CCSER1: variants seen among roughly 807,000 people sequenced by gnomAD.
The protein encoded by CCSER1 is serine-rich coiled-coil domain-containing protein 1.
A neutral mutation model predicts 82.0 loss-of-function variants in CCSER1; 41 were observed. The observed-to-expected ratio is 0.50, with a 90% CI of 0.39 to 0.65. The LOEUF (loss-of-function observed/expected upper bound fraction) is 0.65. Among genes scored for constraint, CCSER1 ranks in the 30% least tolerant of loss-of-function variants. CCSER1 has a pLI of 0.00. For missense variants in CCSER1, 1,119 were observed against 1,064.2 expected (o/e 1.05, Z -0.72); for synonymous variants, 414 against 383.9 (o/e 1.08, Z -0.92).
At chr4:91,173,720 C>T (rs1453848849) in intron 10 of CCSER1, among the ~76,000 whole-genome samples, 1 of 151,980 alleles carries the variant, frequency 6.6e-6, no homozygotes, top group Admixed American at 6.6e-5. Context: ...TGGAATTAGC[C>T]ATTTTAATGC....
intron 8 of CCSER1, among the ~76,000 whole-genome samples, chr4:90,893,825 G>T (rs1723313964): frequency 6.6e-6 from 1 of 151,156 alleles, no homozygotes; most frequent in Non-Finnish European, 1.5e-5. Flanking sequence ...TTCAATATGT[G>T]TTATTTATAT....
Position 90,560,289 on chromosome 4 carries a change from A to G in CCSER1, c.1725-67736A>G, listed in dbSNP as rs116296738. ...AATATTCTCTAAGCCCAAAGCTCTAAACATCCTAGATCAGATTAAGGAAAT... is the reference window on the plus strand; with the variant it reads ...AATATTCTCTAAGCCCAAAGCTCTAGACATCCTAGATCAGATTAAGGAAAT... On this transcript the variant is annotated intron_variant, in intron 5 of 10. Transcript: ENST00000509176. Among the ~76,000 whole-genome samples, 402 of 151,940 alleles carry G rather than the reference A, an allele frequency of 2.6e-3. 1 individual carries two copies. The highest frequency in any genetic ancestry group is 9.3e-3 in the African/African-American group (386 of 41,408).
chr4:90,355,511 T>C (rs1744229799), intron 3 of CCSER1, among the ~76,000 whole-genome samples: 1 of 152,002 alleles, frequency 6.6e-6, no homozygotes, highest in Non-Finnish European at 1.5e-5. Context: ...TAAAATGAGT[T>C]ACCATACCTA....
At chr4:90,704,871 T>C (rs1368659940) in intron 6 of CCSER1, among the ~76,000 whole-genome samples, 1 of 152,304 alleles carries the variant, frequency 6.6e-6, no homozygotes, top group East Asian at 1.9e-4. Flanking sequence ...TGTTAGCCAT[T>C]CATCTAATCT....
rs575717832 is a variant in CCSER1, at chr4:90,348,836, C to T, written c.1509+35789C>T. On this transcript the variant is annotated intron_variant, in intron 3 of 10. Coordinates refer to ENST00000509176, the MANE Select transcript of CCSER1 (RefSeq NM_001145065.2). ...CTGCCAGAATAATTGCCCTAAGCAA[C>T]GGTCTTAAACGTTGTTGTGAACCAC... is the stretch of plus-strand genomic sequence containing the variant. 1.3e-4 allele frequency among the ~76,000 whole-genome samples: 20 copies of T among 152,256 alleles called. No homozygotes were observed. The South Asian group carries it at 3.1e-3, about 24-fold the overall frequency.
In CCSER1 at chr4:90,546,832, A is replaced by G. The variant is rs748329206; in HGVS notation, c.1724+78478A>G. 2.0e-5 allele frequency among the ~76,000 whole-genome samples: 3 copies of G among 152,108 alleles called. 1 individual carries two copies. Among genetic ancestry groups the G allele is most frequent in the Admixed American group, 2.0e-4 (3 of 15,254 alleles). On this transcript the variant is annotated intron_variant, in intron 5 of 10. Transcript: ENST00000509176. Reference sequence around the variant, plus strand: ...AACATGTATATATAAATATACTACAATACATCAGCAAATAGTCATTCTTTT... The same window carrying G: ...AACATGTATATATAAATATACTACAGTACATCAGCAAATAGTCATTCTTTT...
At chr4:90,622,714 C>G (rs1579535313) in intron 5 of CCSER1, among the ~76,000 whole-genome samples, 1 of 152,054 alleles carries the variant, frequency 6.6e-6, no homozygotes, top group East Asian at 1.9e-4. Context: ...GTGAATAGTG[C>G]CACAATAAAC....
chr4:90,639,736 C>A (rs918059463), intron 6 of CCSER1, among the ~76,000 whole-genome samples: 2 of 151,918 alleles, frequency 1.3e-5, no homozygotes, highest in Non-Finnish European at 2.9e-5. Context: ...GTAACCTGTG[C>A]AAGACAGAAG....
At chr4:90,636,224 A>G (rs1268112567) in intron 6 of CCSER1, among the ~76,000 whole-genome samples, 3 of 151,946 alleles carry the variant, frequency 2.0e-5, no homozygotes, top group Admixed American at 1.3e-4. Flanking sequence ...TTTGAAAAAT[A>G]CAGCTTTCCA....
intron 10 of CCSER1, among the ~76,000 whole-genome samples, chr4:91,234,576 T>C (rs1159780488): frequency 3.3e-5 from 5 of 152,098 alleles, no homozygotes; most frequent in Non-Finnish European, 5.9e-5. Flanking sequence ...CATAAAATAA[T>C]ATGTGGGATA....
At chr4:91,573,644 G>A (rs142499676) in intron 10 of CCSER1, among the ~76,000 whole-genome samples, 13 of 152,278 alleles carry the variant, frequency 8.5e-5, no homozygotes, top group African/African-American at 2.4e-4. Context: ...CCCTGGCTTC[G>A]TGATGCTACC....
At chr4:90,823,826 T>G (rs1302438858) in intron 8 of CCSER1, among the ~76,000 whole-genome samples, 1 of 151,998 alleles carries the variant, frequency 6.6e-6, no homozygotes, top group Non-Finnish European at 1.5e-5. Flanking sequence ...ATTTAGTAAT[T>G]ACCTATACTG....
Position 90,360,381 on chromosome 4 carries a change from T to G in CCSER1, c.1510-39655T>G, listed in dbSNP as rs1374289650. On this transcript the variant is annotated intron_variant, in intron 3 of 10. Transcript: ENST00000509176. The stretch of plus-strand genomic sequence containing the variant: ...GTGTCTACTAAAAATAAAAAAAAAA[T>G]TAGCCGGGTGTGGTGGTGGGTGCCT... 6.6e-4 allele frequency among the ~76,000 whole-genome samples: 93 copies of G among 140,930 alleles called. 2 individuals carry two copies. Among genetic ancestry groups the G allele is most frequent in the Non-Finnish European group, 9.9e-4 (64 of 64,602 alleles). The allele number at this position is 140,930 out of a possible 152,430, so 92.5% of individuals were successfully genotyped here.
intron 9 of CCSER1, among the ~76,000 whole-genome samples, chr4:90,940,660 C>T (rs1412630017): frequency 7.9e-5 from 12 of 152,116 alleles, no homozygotes; most frequent in Middle Eastern, 6.8e-3. Context: ...CAAGAGACAT[C>T]AGTATTTATT....
At chr4:90,664,957 C>T (rs67086109) in intron 6 of CCSER1, among the ~76,000 whole-genome samples, 77,724 of 151,988 alleles carry the variant, frequency 0.51, 20,088 homozygotes, top group Middle Eastern at 0.64. Context: ...GTAAAGTAGA[C>T]GCTTTTATTG....
At chr4:91,127,955 C>T (rs928815117) in intron 10 of CCSER1, among the ~76,000 whole-genome samples, 1 of 108,100 alleles carries the variant, frequency 9.3e-6, no homozygotes, top group African/African-American at 3.6e-5. Context: ...GGGACACTCC[C>T]AGATCTCAGT....
chr4:91,172,045 C>G lies in CCSER1; in HGVS notation c.2217+86051C>G, dbSNP rs181769129. Among the ~76,000 whole-genome samples, 445 of 152,060 alleles carry G rather than the reference C, an allele frequency of 2.9e-3. 4 individuals are homozygous for G. Among genetic ancestry groups the G allele is most frequent in the African/African-American group, 0.01 (428 of 41,492 alleles). On this transcript the variant is annotated intron_variant, in intron 10 of 10. Transcript: ENST00000509176. Reference sequence around the variant, plus strand: ...CAATAACATTATACATTGCAAAGCACCTTGCATTGTTTTACCTTTTATAAA... The same window carrying G: ...CAATAACATTATACATTGCAAAGCAGCTTGCATTGTTTTACCTTTTATAAA...
At chr4:90,648,266 AAG>A (rs1252409011) in intron 6 of CCSER1, among the ~76,000 whole-genome samples, 10 of 144,946 alleles carry the variant, frequency 6.9e-5, no homozygotes, top group African/African-American at 2.0e-4. Context: ...AGAAGAAAGA[AAG>A]AGAGAGAGAA....
At chr4:90,922,473 C>A (rs1295847046) in intron 8 of CCSER1, among the ~76,000 whole-genome samples, 1 of 151,978 alleles carries the variant, frequency 6.6e-6, no homozygotes, top group Non-Finnish European at 1.5e-5. Flanking sequence ...TCTTATTAAC[C>A]ATTCAAAAGA....
Sources: gnomAD v4.1 joint callset for allele counts (sites outside exome capture counted in the v4.1 genomes callset) on GRCh38, gnomAD v4.1.1 for gene constraint, MANE v1.5 for transcripts, NCBI Gene and HGNC (gene_info 2026-07-23, HGNC 2026-07-21) for gene names.